Variants in RNF144A observed in about 807,000 individuals in gnomAD.
The protein encoded by RNF144A is E3 ubiquitin-protein ligase RNF144A.
RNF144A carries 11 observed loss-of-function variants against 38.7 expected under a neutral mutation model. That is an observed-to-expected ratio of 0.28 (90% CI 0.18 to 0.47). RNF144A has a LOEUF of 0.47. RNF144A is among the 20% of genes least tolerant of loss of function. The probability of loss-of-function intolerance (pLI) is 0.99; values close to 1 mark genes in which losing one functional copy is unlikely to be tolerated. For synonymous variants in RNF144A, 149 were observed against 143.9 expected (o/e 1.04, Z -0.25); for missense variants, 316 against 377.2 (o/e 0.84, Z 1.34).
chr2:7,020,066 C>A (rs1265766611), intron 5 of RNF144A, among the ~76,000 whole-genome samples: 1 of 152,092 alleles, frequency 6.6e-6, no homozygotes, highest in African/African-American at 2.4e-5. Flanking sequence ...GAAAACTGTC[C>A]CCTAGGGGAG....
At chr2:6,937,862 G>A (rs1665693221) in intron 1 of RNF144A, among the ~76,000 whole-genome samples, 1 of 152,198 alleles carries the variant, frequency 6.6e-6, no homozygotes, top group African/African-American at 2.4e-5. Flanking sequence ...CAGGCTGCAT[G>A]TGGGCAATGC....
At chr2:7,053,271 T>C (rs559107334) in intron 6 of RNF144A, among the ~76,000 whole-genome samples, 1 of 152,344 alleles carries the variant, frequency 6.6e-6, no homozygotes, top group East Asian at 1.9e-4. Context: ...AGTCAGAACC[T>C]GGATTTTCAG....
intron 7 of RNF144A, 53 bp from the exon 8 acceptor site, chr2:7,030,073 C>G: frequency 1.6e-6 from 2 of 1,257,766 alleles, no homozygotes; most frequent in Non-Finnish European, 2.3e-6. Context: ...TGATACTCAC[C>G]GAACTGAGCA....
At chr2:7,002,975 GT>G (rs1670207307) in intron 3 of RNF144A, among the ~76,000 whole-genome samples, 1 of 150,580 alleles carries the variant, frequency 6.6e-6, no homozygotes, top group East Asian at 2.0e-4. Flanking sequence ...TTGTGTCTTA[GT>G]TTTTAACAAA....
rs765710055 is a variant in RNF144A, at chr2:7,041,340, T to A, written c.*1580T>A. 15 of 985,728 alleles carry A rather than the reference T, an allele frequency of 1.5e-5. No individual in the cohort carries two copies. The highest frequency in any genetic ancestry group is 1.8e-5 in the Non-Finnish European group (15 of 829,790). 61.1% of individuals were successfully genotyped at this position (985,728 alleles called of 1,614,324 possible). ...GAAATTTATTTCTTATTTCCTAACA[T>A]TGAATTCGTTAGAAAAAACAGCGTC... is the stretch of plus-strand genomic sequence containing the variant. On this transcript the variant is annotated 3_prime_UTR_variant, in exon 9 of 9. Coordinates refer to ENST00000320892, the MANE Select transcript of RNF144A (RefSeq NM_014746.6).
At chr2:6,981,141 G>C (rs1668608340) in intron 2 of RNF144A, among the ~76,000 whole-genome samples, 1 of 152,218 alleles carries the variant, frequency 6.6e-6, no homozygotes, top group Admixed American at 6.5e-5. Flanking sequence ...CTCCAGGCCT[G>C]TGATGGGAGG....
At chr2:6,969,634 A>C (rs1667874958) in intron 2 of RNF144A, among the ~76,000 whole-genome samples, 1 of 152,264 alleles carries the variant, frequency 6.6e-6, no homozygotes, top group South Asian at 2.1e-4. Context: ...AATCTGAAAT[A>C]CTGCAGAGTA....
chr2:6,996,766 A>C (rs1669771846), intron 2 of RNF144A, 150 bp from the exon 3 acceptor site: 1 of 788,680 alleles, frequency 1.3e-6, no homozygotes. Context: ...AAAAACCAAA[A>C]AATTCTCAGA....
chr2:6,931,421 A>G (rs1665204697), intron 1 of RNF144A, among the ~76,000 whole-genome samples: 1 of 152,276 alleles, frequency 6.6e-6, no homozygotes, highest in Non-Finnish European at 1.5e-5. Flanking sequence ...TACCATTGGA[A>G]TTACCCAGGT....
chr2:6,949,226 T>A (rs905545422), intron 2 of RNF144A, among the ~76,000 whole-genome samples: 1 of 152,188 alleles, frequency 6.6e-6, no homozygotes, highest in Non-Finnish European at 1.5e-5. Flanking sequence ...CTGTTAAACA[T>A]TTCTTCACTA....
rs148555351 is a variant in RNF144A at position 6,921,648 on chromosome 2, C to T, written c.-212+4026C>T. ...CTTGAGGAGGCTGTAGTCTAGGGAG[C>T]GGGAAGCTCAAACATTAACAGATTG... On this transcript the variant is annotated intron_variant, in intron 1 of 8. Transcript: ENST00000320892. Among the ~76,000 whole-genome samples the T allele has an allele frequency of 2.7e-3, 412 of 152,270 alleles. 4 individuals are homozygous for T. The highest frequency in any genetic ancestry group is 4.6e-3 in the Non-Finnish European group (315 of 68,024).
chr2:7,038,669 C>T (rs1005852261), intron 8 of RNF144A, among the ~76,000 whole-genome samples: 3 of 150,700 alleles, frequency 2.0e-5, no homozygotes, highest in East Asian at 3.9e-4. Flanking sequence ...AATGTATAGT[C>T]GGTGGATGGA....
intron 6 of RNF144A, among the ~76,000 whole-genome samples, chr2:7,022,768 GT>G (rs1173634428): frequency 6.6e-6 from 1 of 152,144 alleles, no homozygotes; most frequent in Non-Finnish European, 1.5e-5. Flanking sequence ...CAGGCCTAAG[GT>G]TTACTCGGAG....
rs1009024716 is a variant in RNF144A at position 6,985,733 on chromosome 2, C to T, written c.-11-11183C>T. ...TGTTGCACAGGCTGGAGTGCAGTGG[C>T]GCCATCTCGGCTCACTGCAAGCTCC... On this transcript the variant is annotated intron_variant, in intron 2 of 8. Coordinates refer to ENST00000320892, the MANE Select transcript of RNF144A (RefSeq NM_014746.6). 2.6e-5 allele frequency among the ~76,000 whole-genome samples: 4 copies of T among 152,266 alleles called. No individual in the cohort carries two copies. In the South Asian group the frequency reaches 6.2e-4, roughly 24 times the overall value.
At chr2:6,983,228 T>C (rs1217631924) in intron 2 of RNF144A, among the ~76,000 whole-genome samples, 4 of 152,186 alleles carry the variant, frequency 2.6e-5, no homozygotes, top group Non-Finnish European at 5.9e-5. Context: ...ATGCTTTAAG[T>C]GGTAGAAGGG....
At chr2:7,004,427 G>T (rs1179514306) in intron 3 of RNF144A, among the ~76,000 whole-genome samples, 1 of 152,156 alleles carries the variant, frequency 6.6e-6, no homozygotes, top group Non-Finnish European at 1.5e-5. Flanking sequence ...CTTAAGATGG[G>T]ATCTAGTAAC....
rs147466597 is a variant in RNF144A, at chr2:6,925,689, C to T, written c.-212+8067C>T. ...CATGTGGCTGTCTTCTCTGTCTCTG[C>T]GCTGGGGGTGCACCTCTTCTCACAA... On this transcript the variant is annotated intron_variant, in intron 1 of 8. Coordinates refer to ENST00000320892, the MANE Select transcript of RNF144A (RefSeq NM_014746.6). 2.7e-3 allele frequency among the ~76,000 whole-genome samples: 416 copies of T among 152,266 alleles called. 1 individual carries two copies. The highest frequency in any genetic ancestry group is 9.1e-3 in the African/African-American group (379 of 41,552).
chr2:6,938,190 A>G (rs2103291843), intron 1 of RNF144A, among the ~76,000 whole-genome samples: 1 of 151,778 alleles, frequency 6.6e-6, no homozygotes, highest in East Asian at 1.9e-4. Flanking sequence ...TTCGTCTTTT[A>G]AATTTTTTTC....
chr2:7,058,338 G>GAAA lies in RNF144A; in HGVS notation c.735-9862_735-9860dup, dbSNP rs376684925. The stretch of plus-strand genomic sequence containing the variant: ...ACCACAGGAAGTGTATGGGGGAACT[G>GAAA]AAAAAAAAAAAAAAAAAAGTAATTA... On this transcript the variant is annotated intron_variant, in intron 6 of 6. Transcript: ENST00000432850. Among the ~76,000 whole-genome samples, 87 of 106,010 alleles carry GAAA rather than the reference G, an allele frequency of 8.2e-4. 1 individual carries two copies. Among genetic ancestry groups the GAAA allele is most frequent in the African/African-American group, 2.2e-3 (77 of 34,952 alleles). The allele number at this position is 106,010 out of a possible 152,430, so 69.5% of individuals were successfully genotyped here. A position where few individuals can be genotyped will look rare whatever the true frequency, so the allele number is the denominator to read the frequency against.
Sources: allele counts gnomAD v4.1 joint callset (sites outside exome capture counted in the v4.1 genomes callset), GRCh38; gene constraint gnomAD v4.1.1; transcripts MANE v1.5; gene names NCBI Gene and HGNC (gene_info 2026-07-23, HGNC 2026-07-21).